TBC1D21: variants seen among roughly 807,000 people sequenced by gnomAD.
TBC1D21 encodes male germ cell Rab GTPase-activating protein.
Under a neutral mutation model 46.0 loss-of-function variants are expected in TBC1D21, and 38 were observed. The observed-to-expected ratio is 0.83, with a 90% CI of 0.64 to 1.08. The LOEUF (loss-of-function observed/expected upper bound fraction) is 1.08, where lower values mean the gene tolerates loss of function less well. Ranked by LOEUF, TBC1D21 falls within the 50% of genes least tolerant of loss-of-function variation. TBC1D21 has a pLI of 0.00. For synonymous variants in TBC1D21, 151 were observed against 157.2 expected, an observed-to-expected ratio of 0.96 and a Z score of 0.29; for missense variants, 415 against 417.9, an observed-to-expected ratio of 0.99 and a Z score of 0.06.
intron 3 of TBC1D21, among the ~76,000 whole-genome samples, chr15:73,882,033 A>G (rs1429077644): frequency 6.6e-6 from 1 of 151,792 alleles, no homozygotes; most frequent in Admixed American, 6.6e-5. Flanking sequence ...TGGCCTATGC[A>G]TTCTTCCTCT....
the TBC1D21 span, among the ~76,000 whole-genome samples, chr15:73,904,661 T>C: frequency 6.6e-6 from 1 of 151,868 alleles, no homozygotes; most frequent in Non-Finnish European, 1.5e-5. Context: ...CCAAGATAGA[T>C]GTGGAGCCAG....
the TBC1D21 span, among the ~76,000 whole-genome samples, chr15:73,895,354 T>C: frequency 4.6e-5 from 7 of 152,176 alleles, no homozygotes; most frequent in African/African-American, 1.7e-4. Flanking sequence ...GTCTCCGCAG[T>C]CGATCTCCTG....
intron 1 of TBC1D21, among the ~76,000 whole-genome samples, chr15:73,879,732 A>G (rs1029803797): frequency 6.6e-6 from 1 of 152,156 alleles, no homozygotes; most frequent in Non-Finnish European, 1.5e-5. Context: ...GGGAGTGTGT[A>G]TATTTACATG....
At chr15:73,878,047 G>A (rs1291547994) in intron 1 of TBC1D21, among the ~76,000 whole-genome samples, 1 of 152,160 alleles carries the variant, frequency 6.6e-6, no homozygotes, top group Non-Finnish European at 1.5e-5. Context: ...ATTCAACATT[G>A]CACTTGAGTT....
At chr15:73,876,348 C>T (rs1197828538) in intron 1 of TBC1D21, among the ~76,000 whole-genome samples, 2 of 148,866 alleles carry the variant, frequency 1.3e-5, no homozygotes, top group Non-Finnish European at 3.0e-5. Context: ...CTGCCTCAGC[C>T]TCCCAAGTAG....
intron 10 of TBC1D21, 119 bp from the exon 11 acceptor site, chr15:73,888,950 G>A: frequency 5.0e-6 from 6 of 1,202,212 alleles, no homozygotes; most frequent in Non-Finnish European, 7.3e-6. Flanking sequence ...CCCATTCCCT[G>A]TGTCCATCCC....
chr15:73,887,651 T>C lies in TBC1D21; in HGVS notation c.809T>C (p.Phe270Ser). ...CTGACGGGGAAGCCCTGCAGGAACT[T>C]CCAGGTGCTGGTGGCCTACAGCATG... ...VLLTGKPCRN[F>S]QVLVAYSMLQ... is the part of the protein sequence containing the mutation. Residue 270 changes from phenylalanine (F) to serine (S), a missense_variant, in exon 9 of 11, where the codon TTC (phenylalanine) becomes TCC (serine). Physicochemically the swap from Phe to Ser is radical, Grantham distance 155 (BLOSUM62 -2). Coordinates refer to ENST00000300504, the MANE Select transcript of TBC1D21 (RefSeq NM_153356.3). The C allele has an allele frequency of 6.2e-7, 1 of 1,614,026 alleles. No individual in the cohort carries two copies. The highest frequency in any genetic ancestry group is 8.5e-7 in the Non-Finnish European group (1 of 1,179,966).
intron 1 of TBC1D21, among the ~76,000 whole-genome samples, chr15:73,877,514 TAAAAAAAA>T (rs541803630): frequency 0.034 from 2,509 of 72,892 alleles, 30 homozygotes; most frequent in Middle Eastern, 0.041. Flanking sequence ...TCCAGAAAAC[TAAAAAAAA>T]AAAAAAAAAA....
rs750336017 is a variant in TBC1D21 at position 73,881,474 on chromosome 15, C to T, written c.136C>T (p.Arg46Trp). 2.0e-5 allele frequency: 32 copies of T among 1,614,070 alleles called. No individual in the cohort carries two copies. In the Admixed American group the frequency reaches 4.0e-4, roughly 20 times the overall value. The change falls in exon 2 of 11, where the codon CGG becomes TGG. Residue 46 changes from arginine (R) to tryptophan (W), a missense_variant. Arg to Trp is a moderately radical substitution (Grantham distance 101). Transcript: ENST00000300504. ...FDESGHLAKS[R>W]DFICVNILER... Reference sequence around the variant, plus strand: ...TGAGAGTGGCCACTTGGCCAAATCACGGGACTTCATTTGTGTTAACATCCT... The same window carrying T: ...TGAGAGTGGCCACTTGGCCAAATCATGGGACTTCATTTGTGTTAACATCCT...
Position 73,889,166 on chromosome 15 carries a change from G to T in TBC1D21, c.*65G>T. On this transcript the variant is annotated 3_prime_UTR_variant, in exon 11 of 11. Transcript: ENST00000300504. ...CAGGATGAAGGCCAGGGGCACTGGA[G>T]TGAGGGAGTAGATAAAACAGCTGCA... The T allele has an allele frequency of 1.3e-6, 2 of 1,557,182 alleles. No homozygotes were observed. Among genetic ancestry groups the T allele is most frequent in the Non-Finnish European group, 1.8e-6 (2 of 1,135,422 alleles).
chr15:73,886,273 G>A, intron 7 of TBC1D21, 99 bp downstream of exon 7: 1 of 1,096,218 alleles, frequency 9.1e-7, no homozygotes, highest in Non-Finnish European at 1.4e-6. Flanking sequence ...GGGCTGGAGA[G>A]CAGCAGAATC....
At chr15:73,887,894 C>A (rs534435221) in intron 9 of TBC1D21, among the ~76,000 whole-genome samples, 158 bp downstream of exon 9, 1 of 152,342 alleles carries the variant, frequency 6.6e-6, no homozygotes, top group South Asian at 2.1e-4. Flanking sequence ...TACGGATTAC[C>A]GTGCCAAGGG....
intron 1 of TBC1D21, among the ~76,000 whole-genome samples, chr15:73,876,225 T>TTTTG (rs869092685): frequency 1.7e-5 from 1 of 59,008 alleles, no homozygotes; most frequent in Non-Finnish European, 3.1e-5. Context: ...TTTTTTTTTT[T>TTTTG]TTTTTTTTTT....
At chr15:73,889,690 A>C (rs2068320731), downstream of TBC1D21, among the ~76,000 whole-genome samples, 1 of 152,236 alleles carries the variant, frequency 6.6e-6, no homozygotes, top group Non-Finnish European at 1.5e-5. Flanking sequence ...CCTGGTTTCA[A>C]AGCCTCCCTC....
At chr15:73,884,130 G>T (rs767836086) in intron 3 of TBC1D21, 21 bp from the exon 4 acceptor site, 1 of 1,604,906 alleles carries the variant, frequency 6.2e-7, no homozygotes, top group Non-Finnish European at 8.5e-7. Context: ...ACCTTGTTCA[G>T]CCTCAGTTCT....
chr15:73,907,141 C>G, the TBC1D21 span, among the ~76,000 whole-genome samples: 1 of 142,136 alleles, frequency 7.0e-6, no homozygotes, highest in Non-Finnish European at 1.6e-5. Context: ...TCCTCCTGCT[C>G]CTCCTCCTCT....
downstream of TBC1D21, among the ~76,000 whole-genome samples, chr15:73,890,510 C>G (rs1042879828): frequency 9.8e-5 from 15 of 152,350 alleles, no homozygotes; most frequent in Non-Finnish European, 1.9e-4. Context: ...GCATGAAAGA[C>G]AGTTCTCCAA....
At chr15:73,891,631 A>T (rs902295421), downstream of TBC1D21, among the ~76,000 whole-genome samples, 4 of 152,184 alleles carry the variant, frequency 2.6e-5, no homozygotes, top group African/African-American at 9.7e-5. Context: ...ACAGGCTCAG[A>T]ACTGCCTGCT....
chr15:73,896,102 C>T, the TBC1D21 span, among the ~76,000 whole-genome samples: 11 of 122,850 alleles, frequency 9.0e-5, no homozygotes, highest in East Asian at 2.0e-4. Flanking sequence ...GAGATAATGG[C>T]GACAACAGAG....
Sources: allele counts gnomAD v4.1 joint callset (sites outside exome capture counted in the v4.1 genomes callset), GRCh38; gene constraint gnomAD v4.1.1; transcripts MANE v1.5; gene names NCBI Gene and HGNC (gene_info 2026-07-23, HGNC 2026-07-21).